PPARD: variants seen among roughly 807,000 people sequenced by gnomAD.
PPARD encodes peroxisome proliferator activated receptor delta.
A neutral mutation model predicts 39.5 loss-of-function variants in PPARD; 6 were observed. The observed-to-expected ratio is 0.15, with a 90% confidence interval of 0.08 to 0.30. The LOEUF (loss-of-function observed/expected upper bound fraction) is 0.30. Ranked by LOEUF, PPARD falls within the 10% of genes least tolerant of loss-of-function variation. The pLI, the probability that PPARD is intolerant of heterozygous loss-of-function variation, is 1.00. For missense variants in PPARD, 397 were observed against 596.8 expected (o/e 0.67, Z 3.49); for synonymous variants, 210 against 231.3 (o/e 0.91, Z 0.83).
intron 2 of PPARD, among the ~76,000 whole-genome samples, chr6:35,373,038 C>G (rs1010907361): frequency 6.6e-6 from 1 of 152,198 alleles, no homozygotes; most frequent in Admixed American, 6.5e-5. Flanking sequence ...CAAGATGGCA[C>G]CTTGTTGCTG....
At chr6:35,389,909 T>C (rs1763912882) in intron 2 of PPARD, among the ~76,000 whole-genome samples, 1 of 152,196 alleles carries the variant, frequency 6.6e-6, no homozygotes, top group African/African-American at 2.4e-5. Flanking sequence ...CTGGTGACTT[T>C]CTTTGCCCCT....
intron 2 of PPARD, among the ~76,000 whole-genome samples, chr6:35,347,593 A>G (rs1406091921): frequency 1.3e-5 from 2 of 151,562 alleles, no homozygotes; most frequent in African/African-American, 2.4e-5. Flanking sequence ...AAATATATAT[A>G]TATATATATA....
At chr6:35,420,063 T>C in intron 3 of PPARD, 64 bp from the exon 4 acceptor site, 1 of 1,571,524 alleles carries the variant, frequency 6.4e-7, no homozygotes. Context: ...TGTGGGGCTG[T>C]TCCCACGCCC....
At chr6:35,384,972 GC>G (rs1490701844) in intron 2 of PPARD, among the ~76,000 whole-genome samples, 4 of 131,052 alleles carry the variant, frequency 3.1e-5, no homozygotes, top group Admixed American at 7.1e-5. Context: ...GGGGGGGTCA[GC>G]CCCCCGCCGG....
At chr6:35,389,870 C>A (rs1222874417) in intron 2 of PPARD, among the ~76,000 whole-genome samples, 1 of 152,204 alleles carries the variant, frequency 6.6e-6, no homozygotes, top group Non-Finnish European at 1.5e-5. Context: ...GACCCTCACC[C>A]TCTCTCACTG....
intron 2 of PPARD, among the ~76,000 whole-genome samples, chr6:35,367,050 T>C (rs879707789): frequency 3.7e-4 from 56 of 151,800 alleles, no homozygotes; most frequent in South Asian, 1.0e-3. Context: ...AGTGGAAAGG[T>C]GGGGGTGACT....
At chr6:35,374,834 C>T (rs551572321) in intron 2 of PPARD, among the ~76,000 whole-genome samples, 2 of 152,250 alleles carry the variant, frequency 1.3e-5, no homozygotes, top group Non-Finnish European at 2.9e-5. Flanking sequence ...CCACAATCCC[C>T]ACCTTAATGG....
At position 35,420,919 on chromosome 6, in the gene PPARD, C is replaced by T. The variant is rs145176837; in HGVS notation, c.285+638C>T. ...TCAGTTAACTGCAACCTCCACCTCC[C>T]GGGTTCAGGAGATTCTCCTGCCTGA... On this transcript the variant is annotated intron_variant, in intron 4 of 7. Transcript: ENST00000360694. 2.7e-4 allele frequency among the ~76,000 whole-genome samples: 41 copies of T among 150,848 alleles called. No homozygotes were observed. In the East Asian group the frequency reaches 7.7e-3, roughly 28 times the overall value.
Position 35,420,112 on chromosome 6 carries a change from A to C in PPARD, c.131-15A>C, listed in dbSNP as rs776696711. 1.2e-5 allele frequency: 19 copies of C among 1,609,172 alleles called. No individual in the cohort carries two copies. Among genetic ancestry groups the C allele is most frequent in the Middle Eastern group, 2.0e-4 (1 of 5,046 alleles). On this transcript the variant is annotated splice_polypyrimidine_tract_variant and intron_variant, in intron 3 of 7. Transcript: ENST00000360694. Reference sequence around the variant, plus strand: ...TGGCAGCATGTGGAGCTGCCCCTCCATCGTGTGTCCGCAGACCTCTCCCGG... The same window carrying C: ...TGGCAGCATGTGGAGCTGCCCCTCCCTCGTGTGTCCGCAGACCTCTCCCGG...
intron 5 of PPARD, 77 bp downstream of exon 5, chr6:35,422,035 C>T (rs773046957): frequency 1.4e-4 from 206 of 1,488,766 alleles, no homozygotes; most frequent in Non-Finnish European, 1.7e-4. Context: ...GCCCTTGGGG[C>T]AGCCTAGAGG....
At chr6:35,373,289 GA>G (rs1173491049) in intron 2 of PPARD, among the ~76,000 whole-genome samples, 3 of 152,174 alleles carry the variant, frequency 2.0e-5, no homozygotes, top group Non-Finnish European at 4.4e-5. Flanking sequence ...GAGTAATCGG[GA>G]TGATTAAATG....
intron 2 of PPARD, among the ~76,000 whole-genome samples, chr6:35,400,790 C>T (rs1764651422): frequency 6.7e-6 from 1 of 149,580 alleles, no homozygotes; most frequent in Non-Finnish European, 1.5e-5. Flanking sequence ...ACAGGGAGAT[C>T]TTGTCTTAAA....
chr6:35,381,673 T>C (rs149102300), intron 2 of PPARD, among the ~76,000 whole-genome samples: 30 of 152,298 alleles, frequency 2.0e-4, no homozygotes, highest in African/African-American at 6.7e-4. Context: ...AGCTTCAGCT[T>C]CTCCTCCTTG....
At chr6:35,421,088 A>G (rs1766129203) in intron 4 of PPARD, among the ~76,000 whole-genome samples, 1 of 151,926 alleles carries the variant, frequency 6.6e-6, no homozygotes, top group Admixed American at 6.6e-5. Context: ...TGGCCTCCCA[A>G]AGTGCTAGGA....
intron 2 of PPARD, among the ~76,000 whole-genome samples, chr6:35,390,673 T>TAA (rs201663564): frequency 6.2e-5 from 9 of 145,692 alleles, no homozygotes; most frequent in South Asian, 2.2e-4. Flanking sequence ...GGTGTTTCTG[T>TAA]AAAAAAAAAA....
intron 3 of PPARD, among the ~76,000 whole-genome samples, chr6:35,419,158 G>T (rs1765975930): frequency 6.6e-6 from 1 of 152,186 alleles, no homozygotes; most frequent in African/African-American, 2.4e-5. Flanking sequence ...TTTGGCACCT[G>T]CTTTTGGGGA....
At chr6:35,415,778 C>CTGTGTGTGTGTGTGTGTGTGTG (rs369825175) in intron 3 of PPARD, among the ~76,000 whole-genome samples, 2,091 of 143,796 alleles carry the variant, frequency 0.015, 82 homozygotes, top group African/African-American at 0.044. Context: ...GAAGGAGAAC[C>CTGTGTGTGTGTGTGTGTGTGTG]TGTGTGTGTG....
chr6:35,346,628 G>C (rs889990551), intron 1 of PPARD, among the ~76,000 whole-genome samples: 7 of 152,194 alleles, frequency 4.6e-5, no homozygotes, highest in Non-Finnish European at 7.3e-5. Flanking sequence ...CCTTGCATCA[G>C]GTTTCAGACA....
intron 2 of PPARD, among the ~76,000 whole-genome samples, chr6:35,380,476 GTTTT>G (rs71002557): frequency 0.1 from 7,043 of 67,448 alleles, 511 homozygotes; most frequent in African/African-American, 0.26. Flanking sequence ...TTTTTTGTTT[GTTTT>G]TTTTTTTTTT....
Sources: allele counts gnomAD v4.1 joint callset (sites outside exome capture counted in the v4.1 genomes callset), GRCh38; gene constraint gnomAD v4.1.1; transcripts MANE v1.5; gene names NCBI Gene and HGNC (gene_info 2026-07-23, HGNC 2026-07-21).